LPAR3: variants seen among roughly 807,000 people sequenced by gnomAD.
The protein encoded by LPAR3 is lysophosphatidic acid receptor 3.
Under a neutral mutation model 17.8 loss-of-function variants are expected in LPAR3, and 7 were observed. The observed-to-expected ratio is 0.39, with a 90% CI of 0.22 to 0.74. The LOEUF (loss-of-function observed/expected upper bound fraction) is 0.74, where lower values mean the gene tolerates loss of function less well. Among genes scored for constraint, LPAR3 ranks in the 30% least tolerant of loss-of-function variants. LPAR3 has a pLI of 0.40. For missense variants in LPAR3, 391 were observed against 453.4 expected (o/e 0.86, Z 1.25); for synonymous variants, 179 against 179.9 (o/e 0.99, Z 0.04).
intron 1 of LPAR3, among the ~76,000 whole-genome samples, chr1:84,886,161 C>T (rs1010088941): frequency 3.3e-5 from 5 of 152,294 alleles, no homozygotes; most frequent in Admixed American, 2.6e-4. Context: ...ACTGCAACTT[C>T]GTACCTTTTA....
intron 2 of LPAR3, among the ~76,000 whole-genome samples, chr1:84,845,190 T>A (rs1050252535): frequency 1.1e-4 from 17 of 152,160 alleles, no homozygotes; most frequent in Admixed American, 9.2e-4. Context: ...GATGGCTAAA[T>A]AAAATCAATG....
intron 1 of LPAR3, among the ~76,000 whole-genome samples, chr1:84,879,309 C>CTTTTTT (rs1199196149): frequency 1.4e-5 from 1 of 73,504 alleles, no homozygotes; most frequent in Non-Finnish European, 2.5e-5. Context: ...CTTTTCTTTT[C>CTTTTTT]TTTTTTCTTT....
intron 2 of LPAR3, among the ~76,000 whole-genome samples, chr1:84,860,392 A>T (rs1481194062): frequency 6.6e-6 from 1 of 152,236 alleles, no homozygotes; most frequent in East Asian, 1.9e-4. Context: ...CACCACAGCA[A>T]GTATTTGTAC....
rs977822962 is a variant in LPAR3, at chr1:84,813,610, A to G, written c.*236T>C. On this transcript the variant is annotated 3_prime_UTR_variant, in exon 3 of 3. Coordinates refer to ENST00000370611, the MANE Select transcript of LPAR3 (RefSeq NM_012152.3). ...CTGACAGGAGCTCTGAGCAGTTCAT[A>G]GGACAAGCAGGGACCCGCCGAACCT... 2 of 484,468 alleles carry G rather than the reference A, an allele frequency of 4.1e-6. No individual in the cohort carries two copies. 30.0% of individuals were successfully genotyped at this position (484,468 alleles called of 1,614,324 possible). A position where few individuals can be genotyped will look rare whatever the true frequency, so the allele number is the denominator to read the frequency against.
intron 2 of LPAR3, among the ~76,000 whole-genome samples, chr1:84,839,448 A>G (rs1406226214): frequency 1.3e-5 from 2 of 152,178 alleles, no homozygotes; most frequent in African/African-American, 4.8e-5. Context: ...CCAAAGGTGG[A>G]GGATTACTTG....
At chr1:84,888,174 A>G (rs1287193986) in intron 1 of LPAR3, among the ~76,000 whole-genome samples, 1 of 57,432 alleles carries the variant, frequency 1.7e-5, no homozygotes, top group African/African-American at 6.4e-5. Context: ...ACACACACAC[A>G]CACACAGAGA....
intron 1 of LPAR3, among the ~76,000 whole-genome samples, chr1:84,883,857 G>T (rs1291732449): frequency 6.6e-6 from 1 of 151,938 alleles, no homozygotes; most frequent in Non-Finnish European, 1.5e-5. Flanking sequence ...AACATTTACT[G>T]AATCTAGAAG....
At chr1:84,888,141 T>TAC (rs1191330723) in intron 1 of LPAR3, among the ~76,000 whole-genome samples, 12 of 101,106 alleles carry the variant, frequency 1.2e-4, no homozygotes, top group African/African-American at 4.7e-4. Flanking sequence ...TATATATATA[T>TAC]ATACATACAT....
At chr1:84,878,043 A>G (rs1266449480) in intron 1 of LPAR3, among the ~76,000 whole-genome samples, 1 of 151,744 alleles carries the variant, frequency 6.6e-6, no homozygotes, top group Non-Finnish European at 1.5e-5. Flanking sequence ...GCTGAGAAAT[A>G]CTTGTGACCT....
At chr1:84,864,104 T>C (rs1251548553) in intron 2 of LPAR3, among the ~76,000 whole-genome samples, 1 of 151,372 alleles carries the variant, frequency 6.6e-6, no homozygotes, top group Admixed American at 6.6e-5. Flanking sequence ...CCCAGCTACT[T>C]GGGAGGCTGA....
At chr1:84,866,437 T>C (rs1325273) in intron 1 of LPAR3, among the ~76,000 whole-genome samples, 115,495 of 152,120 alleles carry the variant, frequency 0.76, 44,867 homozygotes, top group African/African-American at 0.92. Flanking sequence ...TGCCTCATGG[T>C]GGGTAATTAT....
chr1:84,885,213 A>C (rs948174204), intron 1 of LPAR3, among the ~76,000 whole-genome samples: 1 of 152,234 alleles, frequency 6.6e-6, no homozygotes, highest in Non-Finnish European at 1.5e-5. Context: ...ACAACAGAGA[A>C]GTATCCGGTC....
Position 84,873,809 on chromosome 1 carries a change from G to A in LPAR3, c.-18-7671C>T, listed in dbSNP as rs185324283. 3.0e-4 allele frequency among the ~76,000 whole-genome samples: 45 copies of A among 151,480 alleles called. 1 individual carries two copies. The East Asian group carries it at 5.8e-3, about 20-fold the overall frequency. ...GCTCTGTCACCCAGGCTGGAGTGCAGTGGCACAATCTCTGCTCACTGCAGC... is the reference window on the plus strand; with the variant it reads ...GCTCTGTCACCCAGGCTGGAGTGCAATGGCACAATCTCTGCTCACTGCAGC... On this transcript the variant is annotated intron_variant, in intron 1 of 2. Coordinates refer to ENST00000370611, the MANE Select transcript of LPAR3 (RefSeq NM_012152.3).
Position 84,866,095 on chromosome 1 carries a change from T to G in LPAR3, c.26A>C (p.His9Pro), listed in dbSNP as rs764765598. 6.3e-7 allele frequency: 1 copy of G among 1,595,838 alleles called. No homozygotes were observed. The highest frequency in any genetic ancestry group is 2.2e-5 in the East Asian group (1 of 44,742). Residue 9 changes from histidine to proline, a missense_variant, in exon 2 of 3, where the codon CAC (histidine) becomes CCC (proline). Coordinates refer to ENST00000370611, the MANE Select transcript of LPAR3 (RefSeq NM_012152.3). Reference protein sequence around the residue: MNECHYDKHMDFFYNRSNT... With the variant: MNECHYDKPMDFFYNRSNT... Reference sequence around the variant, plus strand: ...GCTCCTATTATAAAAAAAGTCCATGTGCTTGTCATAGTGACACTCATTCAT... The same window carrying G: ...GCTCCTATTATAAAAAAAGTCCATGGGCTTGTCATAGTGACACTCATTCAT...
At chr1:84,827,021 T>C (rs1032283550) in intron 2 of LPAR3, among the ~76,000 whole-genome samples, 1 of 152,200 alleles carries the variant, frequency 6.6e-6, no homozygotes, top group Admixed American at 6.5e-5. Flanking sequence ...AATCTTTTAA[T>C]GGCAGTTTCA....
At position 84,865,817 on chromosome 1, in the gene LPAR3, A is replaced by T; in HGVS notation, c.304T>A (p.Trp102Arg). Residue 102 changes from tryptophan (W) to arginine (R), a missense_variant, in exon 2 of 3, where the codon TGG (tryptophan) becomes AGG (arginine). Physicochemically the swap from Trp to Arg is moderately radical, Grantham distance 101. Coordinates refer to ENST00000370611, the MANE Select transcript of LPAR3 (RefSeq NM_012152.3). The part of the protein sequence containing the change: ...PVSKTLTVNR[W>R]FLRQGLLDSS... ...TCCAGAAGCCCCTGACGGAGAAACCAGCGGTTGACAGTCAAAGTTTTTGAA... is the reference window on the plus strand; with the variant it reads ...TCCAGAAGCCCCTGACGGAGAAACCTGCGGTTGACAGTCAAAGTTTTTGAA... 6.2e-7 allele frequency: 1 copy of T among 1,614,228 alleles called. No homozygotes were observed. Among genetic ancestry groups the T allele is most frequent in the Non-Finnish European group, 8.5e-7 (1 of 1,180,044 alleles).
chr1:84,839,099 G>A (rs554043129), intron 2 of LPAR3, among the ~76,000 whole-genome samples: 3 of 152,128 alleles, frequency 2.0e-5, no homozygotes, highest in South Asian at 2.1e-4. Context: ...TCAACCCTCC[G>A]AGGTAGGTAT....
intron 1 of LPAR3, among the ~76,000 whole-genome samples, chr1:84,880,872 AG>A (rs1270913224): frequency 6.6e-6 from 1 of 152,200 alleles, no homozygotes; most frequent in African/African-American, 2.4e-5. Flanking sequence ...GACAAAGTCA[AG>A]GCTTCTGGGA....
chr1:84,885,039 T>G (rs903858063), intron 1 of LPAR3, among the ~76,000 whole-genome samples: 1 of 152,202 alleles, frequency 6.6e-6, no homozygotes, highest in African/African-American at 2.4e-5. Flanking sequence ...AAACTCATTA[T>G]CTAGAGCAGC....
Sources: gnomAD v4.1 joint callset for allele counts (sites outside exome capture counted in the v4.1 genomes callset) on GRCh38, gnomAD v4.1.1 for gene constraint, MANE v1.5 for transcripts, NCBI Gene and HGNC (gene_info 2026-07-23, HGNC 2026-07-21) for gene names.